The following VPS41 variants were observed in gnomAD, a reference collection of about 807,000 sequenced individuals.
VPS41 encodes the protein vacuolar protein sorting-associated protein 41 homolog.
Under a neutral mutation model 130.9 loss-of-function variants are expected in VPS41, and 85 were observed. The ratio of observed to expected loss-of-function variants is 0.65; its 90% CI spans 0.55 to 0.78. The LOEUF (loss-of-function observed/expected upper bound fraction) is 0.78. Ranked by LOEUF, VPS41 falls within the 30% of genes least tolerant of loss-of-function variation. VPS41 has a pLI of 0.00. For synonymous variants in VPS41, 335 were observed against 332.9 expected, an observed-to-expected ratio of 1.01 and a Z score of -0.07; for missense variants, 874 against 1,018.7, an observed-to-expected ratio of 0.86 and a Z score of 1.93.
At chr7:38,771,357 C>A in intron 13 of VPS41, 103 bp from the exon 14 acceptor site, 1 of 784,358 alleles carries the variant, frequency 1.3e-6, no homozygotes, top group Non-Finnish European at 2.1e-6. Context: ...GTTATAAACA[C>A]TATAGTTATT....
chr7:38,753,633 A>G (rs949218002), intron 21 of VPS41, among the ~76,000 whole-genome samples: 1 of 152,184 alleles, frequency 6.6e-6, no homozygotes, highest in Non-Finnish European at 1.5e-5. Context: ...TCACCATTGC[A>G]CTGATTACAT....
chr7:38,854,913 A>AT (rs1785947538), intron 4 of VPS41, among the ~76,000 whole-genome samples: 1 of 150,956 alleles, frequency 6.6e-6, no homozygotes, highest in African/African-American at 2.4e-5. Flanking sequence ...CATGTAAAGG[A>AT]TAAAAAAAAA....
At chr7:38,736,795 A>G (rs919845629) in intron 25 of VPS41, among the ~76,000 whole-genome samples, 2 of 152,246 alleles carry the variant, frequency 1.3e-5, no homozygotes, top group Non-Finnish European at 2.9e-5. Flanking sequence ...ATGAGCACCA[A>G]AAAGTTTTGG....
intron 5 of VPS41, among the ~76,000 whole-genome samples, chr7:38,823,038 T>C (rs912557499): frequency 1.3e-5 from 2 of 152,158 alleles, no homozygotes; most frequent in African/African-American, 4.8e-5. Context: ...GCCATCTAGG[T>C]CTCATGGCTT....
chr7:38,898,031 C>T, intron 2 of VPS41, 60 bp downstream of exon 2: 1 of 1,515,958 alleles, frequency 6.6e-7, no homozygotes, highest in Admixed American at 1.7e-5. Flanking sequence ...CAAAGAAGCG[C>T]AACTCAAGAG....
rs373541205 is a variant in VPS41, at chr7:38,726,218, G to C, written c.*28C>G. On this transcript the variant is annotated 3_prime_UTR_variant, in exon 29 of 29. Coordinates refer to ENST00000310301, the MANE Select transcript of VPS41 (RefSeq NM_014396.4). ...CAAAAACAGTCTCAAAAAGAGTGGT[G>C]ACAAGGAGACTGACAAGGAGAAATG... is the stretch of plus-strand genomic sequence containing the variant. The C allele has an allele frequency of 6.6e-7, 1 of 1,525,594 alleles. No homozygotes were observed. Among genetic ancestry groups the C allele is most frequent in the Non-Finnish European group, 9.1e-7 (1 of 1,099,294 alleles). The allele number at this position is 1,525,594 out of a possible 1,614,324, so 94.5% of individuals were successfully genotyped here.
intron 2 of VPS41, among the ~76,000 whole-genome samples, chr7:38,887,593 G>C (rs1467057613): frequency 6.6e-6 from 1 of 152,266 alleles, no homozygotes; most frequent in East Asian, 1.9e-4. Flanking sequence ...GAACCAAGTT[G>C]GAAAACACTC....
intron 9 of VPS41, among the ~76,000 whole-genome samples, chr7:38,792,354 A>G (rs1335444391): frequency 1.3e-5 from 2 of 152,230 alleles, no homozygotes; most frequent in African/African-American, 4.8e-5. Context: ...GATAACAGGC[A>G]TCTCTCAAGT....
intron 5 of VPS41, among the ~76,000 whole-genome samples, chr7:38,829,124 C>T (rs1785336124): frequency 6.6e-6 from 1 of 152,180 alleles, no homozygotes; most frequent in African/African-American, 2.4e-5. Context: ...AAACCAACTC[C>T]TCCTTCATCT....
chr7:38,858,772 T>G (rs897676944), intron 4 of VPS41, among the ~76,000 whole-genome samples: 3 of 152,234 alleles, frequency 2.0e-5, no homozygotes, highest in Non-Finnish European at 4.4e-5. Context: ...CACACAATTA[T>G]GTACTACATA....
chr7:38,767,174 T>C (rs894469286), intron 15 of VPS41, among the ~76,000 whole-genome samples: 3 of 152,176 alleles, frequency 2.0e-5, no homozygotes, highest in African/African-American at 7.2e-5. Flanking sequence ...CCTTTAGCTC[T>C]GACCTGGGAG....
chr7:38,842,148 C>A lies in VPS41; in HGVS notation c.247-11820G>T, dbSNP rs567670335. Among the ~76,000 whole-genome samples the A allele has an allele frequency of 2.0e-5, 3 of 152,234 alleles. No individual in the cohort carries two copies. The East Asian group carries it at 5.8e-4, about 29-fold the overall frequency. Reference sequence around the variant, plus strand: ...CTAAGCCAGAGTACTAAGAGTCATCCCAGAGAAATTTTTCTCCCTCATACC... The same window carrying A: ...CTAAGCCAGAGTACTAAGAGTCATCACAGAGAAATTTTTCTCCCTCATACC... On this transcript the variant is annotated intron_variant, in intron 4 of 28. Transcript: ENST00000310301.
At chr7:38,905,939 G>A (rs1403139316) in intron 1 of VPS41, among the ~76,000 whole-genome samples, 13 of 150,828 alleles carry the variant, frequency 8.6e-5, no homozygotes, top group Middle Eastern at 3.4e-3. Flanking sequence ...GATTACAGGC[G>A]CCCACCACCA....
chr7:38,874,070 A>AT (rs1786433349), intron 2 of VPS41, among the ~76,000 whole-genome samples: 1 of 152,128 alleles, frequency 6.6e-6, no homozygotes, highest in South Asian at 2.1e-4. Flanking sequence ...CAAGAAATTG[A>AT]TTTTTTCAGT....
At chr7:38,757,158 G>C (rs928500101) in intron 18 of VPS41, among the ~76,000 whole-genome samples, 176 bp from the exon 19 acceptor site, 8 of 152,082 alleles carry the variant, frequency 5.3e-5, no homozygotes, top group African/African-American at 2.4e-5. Context: ...CGACCAATAA[G>C]TATTTCTTTC....
chr7:38,805,336 C>A (rs1232541428), intron 7 of VPS41, among the ~76,000 whole-genome samples: 1 of 152,068 alleles, frequency 6.6e-6, no homozygotes, highest in Non-Finnish European at 1.5e-5. Flanking sequence ...AAATGGAGAT[C>A]ATCCTGGCCA....
At chr7:38,760,940 C>T (rs1783898572) in intron 17 of VPS41, among the ~76,000 whole-genome samples, 1 of 152,044 alleles carries the variant, frequency 6.6e-6, no homozygotes, top group African/African-American at 2.4e-5. Context: ...ATTAAAGTTC[C>T]ACCCGATTTC....
chr7:38,906,412 A>T (rs1406208139), intron 1 of VPS41, among the ~76,000 whole-genome samples: 2 of 151,404 alleles, frequency 1.3e-5, no homozygotes, highest in African/African-American at 4.9e-5. Context: ...TGGCACGATC[A>T]TGGCTCACTG....
chr7:38,830,821 G>C (rs1409753547), intron 4 of VPS41, among the ~76,000 whole-genome samples: 1 of 152,168 alleles, frequency 6.6e-6, no homozygotes, highest in Admixed American at 6.5e-5. Flanking sequence ...AAATCAGCTA[G>C]CTCCTTAAAG....
Sources: gnomAD v4.1 joint callset for allele counts (sites outside exome capture counted in the v4.1 genomes callset) on GRCh38, gnomAD v4.1.1 for gene constraint, MANE v1.5 for transcripts, NCBI Gene and HGNC (gene_info 2026-07-23, HGNC 2026-07-21) for gene names.